CNTN5: variants seen among roughly 807,000 people sequenced by gnomAD.
CNTN5 encodes contactin-5.
A neutral mutation model predicts 129.1 loss-of-function variants in CNTN5; 77 were observed. That is an observed-to-expected ratio of 0.60 (90% CI 0.50 to 0.72). The LOEUF (loss-of-function observed/expected upper bound fraction) is 0.72. CNTN5 is among the 30% of genes least tolerant of loss of function. The pLI is 0.00. For synonymous variants in CNTN5, 509 were observed against 465.6 expected (o/e 1.09, Z -1.20); for missense variants, 1,478 against 1,328.8 (o/e 1.11, Z -1.75).
At chr11:99,698,761 G>C (rs1954384666) in intron 3 of CNTN5, among the ~76,000 whole-genome samples, 1 of 150,854 alleles carries the variant, frequency 6.6e-6, no homozygotes, top group Admixed American at 6.6e-5. Context: ...AAAATTAGGG[G>C]GAAAATAGAA....
intron 2 of CNTN5, among the ~76,000 whole-genome samples, chr11:99,405,271 A>C (rs1942022624): frequency 6.6e-6 from 1 of 152,014 alleles, no homozygotes; most frequent in South Asian, 2.1e-4. Context: ...AGATTTAGGA[A>C]GTTATTATCC....
chr11:99,190,999 T>G (rs1254945047), intron 1 of CNTN5, among the ~76,000 whole-genome samples: 3 of 151,800 alleles, frequency 2.0e-5, no homozygotes, highest in African/African-American at 4.8e-5. Flanking sequence ...TTGTCTTTAT[T>G]GTGTTGAGGT....
At chr11:99,768,112 A>C (rs1944818392) in intron 3 of CNTN5, among the ~76,000 whole-genome samples, 1 of 152,058 alleles carries the variant, frequency 6.6e-6, no homozygotes, top group Non-Finnish European at 1.5e-5. Flanking sequence ...CCAAAACCTA[A>C]AATATCTACC....
At chr11:99,251,647 A>AATTGTCAAGCAGAGAGAATCAT (rs1301861674) in intron 1 of CNTN5, among the ~76,000 whole-genome samples, 1 of 152,014 alleles carries the variant, frequency 6.6e-6, no homozygotes, top group Non-Finnish European at 1.5e-5. Flanking sequence ...TAACTATAAC[A>AATTGTCAAGCAGAGAGAATCAT]ATTGTCAAGC....
intron 1 of CNTN5, among the ~76,000 whole-genome samples, chr11:99,307,988 A>G (rs565026543): frequency 1.1e-4 from 16 of 152,326 alleles, no homozygotes; most frequent in Admixed American, 3.3e-4. Context: ...CCAAGACTCA[A>G]TGATTTAAGG....
chr11:100,156,441 A>G (rs11223004), intron 13 of CNTN5, among the ~76,000 whole-genome samples: 43,941 of 152,026 alleles, frequency 0.29, 7,958 homozygotes, highest in African/African-American at 0.53. Context: ...GACGTTCATC[A>G]GGGATATCGG....
At chr11:99,720,317 C>T (rs1943129633) in intron 3 of CNTN5, among the ~76,000 whole-genome samples, 1 of 152,132 alleles carries the variant, frequency 6.6e-6, no homozygotes, top group East Asian at 1.9e-4. Flanking sequence ...GCACCATAAT[C>T]AAGTAGGCTT....
intron 1 of CNTN5, among the ~76,000 whole-genome samples, chr11:99,085,821 G>A (rs1273160424): frequency 1.3e-5 from 2 of 152,130 alleles, no homozygotes; most frequent in Non-Finnish European, 1.5e-5. Context: ...TTCTAGTGGA[G>A]TTGAAAAATT....
chr11:99,225,978 T>C (rs1860660975), intron 1 of CNTN5, among the ~76,000 whole-genome samples: 1 of 152,286 alleles, frequency 6.6e-6, no homozygotes, highest in South Asian at 2.1e-4. Flanking sequence ...GACCACTTAG[T>C]GCTAGAGTTG....
At chr11:99,943,866 G>T (rs1279774110) in intron 7 of CNTN5, among the ~76,000 whole-genome samples, 1 of 152,054 alleles carries the variant, frequency 6.6e-6, no homozygotes, top group East Asian at 1.9e-4. Flanking sequence ...TTATTTCTGA[G>T]GCCTCTGTTC....
rs371951016 is a variant in CNTN5, at chr11:99,853,171, G to A, written c.577+7909G>A. Among the ~76,000 whole-genome samples, 27 of 152,146 alleles carry A rather than the reference G, an allele frequency of 1.8e-4. No homozygotes were observed. The South Asian group carries it at 2.1e-3, about 12-fold the overall frequency. The stretch of plus-strand genomic sequence containing the variant: ...GTCAGAACAGAATATGTAGTACCCC[G>A]GAGATCTTGCAGACTTAATTACACC... On this transcript the variant is annotated intron_variant, in intron 6 of 24. Transcript: ENST00000524871.
At chr11:99,631,938 A>G (rs529951629) in intron 3 of CNTN5, among the ~76,000 whole-genome samples, 42 of 152,238 alleles carry the variant, frequency 2.8e-4, no homozygotes, top group African/African-American at 9.4e-4. Flanking sequence ...TCTTGTTATA[A>G]TTGTTCTAGT....
At chr11:99,886,817 A>G (rs776703228) in intron 6 of CNTN5, among the ~76,000 whole-genome samples, 1 of 152,198 alleles carries the variant, frequency 6.6e-6, no homozygotes, top group Non-Finnish European at 1.5e-5. Context: ...AGTGCAAGCA[A>G]GTTGCAACCT....
chr11:99,744,857 A>G (rs1316184812), intron 3 of CNTN5, among the ~76,000 whole-genome samples: 2 of 148,766 alleles, frequency 1.3e-5, no homozygotes, highest in Non-Finnish European at 3.0e-5. Context: ...GGGAAAGAGA[A>G]GAATAGTTGG....
At chr11:99,455,720 G>A (rs1200854927) in intron 2 of CNTN5, among the ~76,000 whole-genome samples, 1 of 151,996 alleles carries the variant, frequency 6.6e-6, no homozygotes, top group Non-Finnish European at 1.5e-5. Context: ...AATTGTATGA[G>A]AATGGGGAAT....
chr11:100,172,599 A>G (rs920628378), intron 13 of CNTN5, among the ~76,000 whole-genome samples: 1 of 152,062 alleles, frequency 6.6e-6, no homozygotes, highest in African/African-American at 2.4e-5. Context: ...TTAGAGAATG[A>G]TAAGTAATGT....
chr11:99,381,722 A>G (rs1321005432), intron 2 of CNTN5, among the ~76,000 whole-genome samples: 1 of 152,210 alleles, frequency 6.6e-6, no homozygotes, highest in Non-Finnish European at 1.5e-5. Context: ...TAGGACTCCT[A>G]TTATTAATGA....
intron 2 of CNTN5, among the ~76,000 whole-genome samples, chr11:99,451,373 CA>C (rs901435021): frequency 2.2e-4 from 34 of 151,660 alleles, no homozygotes; most frequent in Non-Finnish European, 4.3e-4. Flanking sequence ...TAGGGAGGGG[CA>C]AAAAAATATA....
chr11:99,825,980 C>T (rs888142859), intron 4 of CNTN5, among the ~76,000 whole-genome samples: 12 of 151,970 alleles, frequency 7.9e-5, no homozygotes, highest in Admixed American at 1.3e-4. Flanking sequence ...TTTTCTGATT[C>T]GTCTGTTCTT....
Sources: allele counts gnomAD v4.1 joint callset (sites outside exome capture counted in the v4.1 genomes callset), GRCh38; gene constraint gnomAD v4.1.1; transcripts MANE v1.5; gene names NCBI Gene and HGNC (gene_info 2026-07-23, HGNC 2026-07-21).